Variants in CALN1 observed in about 807,000 individuals in gnomAD.
CALN1 encodes calneuron 1, also known as calcium-binding protein 8.
In CALN1, 17 loss-of-function variants were observed where a neutral mutation model predicts 30.6. The ratio of observed to expected loss-of-function variants is 0.56; its 90% confidence interval spans 0.38 to 0.83. CALN1 has a LOEUF of 0.83. Ranked by LOEUF, CALN1 falls within the 40% of genes least tolerant of loss-of-function variation. The pLI is 0.00. For missense variants in CALN1, 291 were observed against 354.9 expected, an observed-to-expected ratio of 0.82 and a Z score of 1.45; for synonymous variants, 156 against 131.4, an observed-to-expected ratio of 1.19 and a Z score of -1.28.
upstream of CALN1, among the ~76,000 whole-genome samples, chr7:72,451,188 G>GAGAAGAAGAAGA (rs758368072): frequency 5.6e-5 from 7 of 125,008 alleles, no homozygotes; most frequent in African/African-American, 8.0e-5. Flanking sequence ...GCAGGAGGAG[G>GAGAAGAAGAAGA]AGAAGAAGAA....
chr7:71,930,133 CAT>C (rs1795472842), intron 5 of CALN1, among the ~76,000 whole-genome samples: 1 of 152,278 alleles, frequency 6.6e-6, no homozygotes, highest in Non-Finnish European at 1.5e-5. Flanking sequence ...AAAATCTGTA[CAT>C]GTTTTGGACA....
intron 3 of CALN1, among the ~76,000 whole-genome samples, chr7:72,151,218 G>C (rs1025440026): frequency 6.6e-6 from 1 of 152,110 alleles, no homozygotes; most frequent in South Asian, 2.1e-4. Flanking sequence ...CCCTCCAAGG[G>C]CCTTGGGCAA....
chr7:72,357,429 C>T (rs1222006039), intron 2 of CALN1, among the ~76,000 whole-genome samples: 3 of 151,652 alleles, frequency 2.0e-5, no homozygotes, highest in Non-Finnish European at 4.4e-5. Context: ...CAAAGGGATT[C>T]GATTGGAAAT....
intron 3 of CALN1, among the ~76,000 whole-genome samples, chr7:72,133,579 A>G (rs902021472): frequency 3.3e-5 from 5 of 152,214 alleles, no homozygotes; most frequent in African/African-American, 9.6e-5. Context: ...CCTAGTGGGT[A>G]AAAGTTTGAC....
intron 1 of CALN1, among the ~76,000 whole-genome samples, chr7:72,420,421 C>T (rs1001697045): frequency 6.6e-6 from 1 of 151,902 alleles, no homozygotes; most frequent in Non-Finnish European, 1.5e-5. Context: ...AGGCTTCACT[C>T]ACTTCAGAGT....
intron 5 of CALN1, among the ~76,000 whole-genome samples, chr7:71,869,714 T>C (rs1341164587): frequency 6.6e-6 from 1 of 152,224 alleles, no homozygotes; most frequent in African/African-American, 2.4e-5. Context: ...GAACATAATG[T>C]ATATATCTGA....
intron 3 of CALN1, among the ~76,000 whole-genome samples, chr7:72,230,212 C>G (rs796812754): frequency 9.2e-5 from 14 of 152,088 alleles, no homozygotes; most frequent in African/African-American, 3.1e-4. Context: ...CACCATGGCA[C>G]ATGTATACCT....
intron 6 of CALN1, among the ~76,000 whole-genome samples, chr7:71,803,949 CGT>C (rs56094367): frequency 0.7 from 104,826 of 149,722 alleles, 38,701 homozygotes; most frequent in Middle Eastern, 0.87. Context: ...TATGTGTGTG[CGT>C]GTGTGTGTGT....
intron 3 of CALN1, among the ~76,000 whole-genome samples, chr7:72,229,545 A>G (rs1793932013): frequency 6.6e-6 from 1 of 152,074 alleles, no homozygotes; most frequent in Non-Finnish European, 1.5e-5. Context: ...ATGCCCATCA[A>G]TGATAAACTG....
intron 5 of CALN1, among the ~76,000 whole-genome samples, chr7:72,018,464 A>C (rs1800524952): frequency 6.6e-6 from 1 of 152,162 alleles, no homozygotes; most frequent in Non-Finnish European, 1.5e-5. Context: ...GCAGTAACAA[A>C]AAAACACACA....
chr7:71,831,703 T>A (rs773196281), intron 5 of CALN1, among the ~76,000 whole-genome samples: 1 of 150,708 alleles, frequency 6.6e-6, no homozygotes, highest in Non-Finnish European at 1.5e-5. Flanking sequence ...CTAGGCAACA[T>A]GGCAAAACCC....
At chr7:71,806,487 A>C (rs1584259906) in intron 6 of CALN1, among the ~76,000 whole-genome samples, 1 of 152,060 alleles carries the variant, frequency 6.6e-6, no homozygotes, top group Non-Finnish European at 1.5e-5. Context: ...TTGTATTTTT[A>C]GTAGAGACGG....
chr7:72,357,856 A>T (rs1028981516), intron 2 of CALN1, among the ~76,000 whole-genome samples: 3 of 147,762 alleles, frequency 2.0e-5, no homozygotes, highest in Admixed American at 1.4e-4. Flanking sequence ...ATTTATATTT[A>T]TATATATGTG....
intron 1 of CALN1, among the ~76,000 whole-genome samples, chr7:72,411,052 G>C (rs1343123176): frequency 6.6e-6 from 1 of 152,076 alleles, no homozygotes; most frequent in African/African-American, 2.4e-5. Context: ...TAAAGCATTA[G>C]AATAAGACCA....
At chr7:72,465,383 G>C in the CALN1 span, among the ~76,000 whole-genome samples, 1 of 152,182 alleles carries the variant, frequency 6.6e-6, no homozygotes, top group Admixed American at 6.5e-5. Flanking sequence ...TCTGGGCTCT[G>C]TCTTCCTTGC....
the CALN1 span, among the ~76,000 whole-genome samples, chr7:72,475,842 C>T: frequency 6.7e-6 from 1 of 149,768 alleles, no homozygotes; most frequent in South Asian, 2.1e-4. Context: ...GCCGGTCTTT[C>T]TTGTGCTGTT....
intron 5 of CALN1, among the ~76,000 whole-genome samples, chr7:71,983,537 T>C (rs1289488817): frequency 6.6e-6 from 1 of 151,492 alleles, no homozygotes; most frequent in African/African-American, 2.4e-5. Flanking sequence ...GATGCTTTTT[T>C]TTTCTTTTTT....
At chr7:72,356,161 A>T (rs1426755890) in intron 2 of CALN1, among the ~76,000 whole-genome samples, 1 of 152,206 alleles carries the variant, frequency 6.6e-6, no homozygotes, top group Non-Finnish European at 1.5e-5. Flanking sequence ...TGTGGTTAAA[A>T]TTTTGTAAAA....
intron 5 of CALN1, among the ~76,000 whole-genome samples, chr7:71,962,471 G>C (rs115033943): frequency 1.3e-5 from 2 of 152,226 alleles, no homozygotes; most frequent in Admixed American, 6.5e-5. Context: ...TCCATGCTGC[G>C]AACTGCTGGC....
Sources: gnomAD v4.1 joint callset for allele counts (sites outside exome capture counted in the v4.1 genomes callset) on GRCh38, gnomAD v4.1.1 for gene constraint, MANE v1.5 for transcripts, NCBI Gene and HGNC (gene_info 2026-07-23, HGNC 2026-07-21) for gene names.